GPR158: variants seen among roughly 807,000 people sequenced by gnomAD.
The protein encoded by GPR158 is G protein-coupled receptor 158, also known as metabotropic glycine receptor.
Under a neutral mutation model 78.2 loss-of-function variants are expected in GPR158, and 30 were observed. That is an observed-to-expected ratio of 0.38 (90% confidence interval 0.29 to 0.52). The LOEUF is 0.52. Ranked by LOEUF, GPR158 falls within the 20% of genes least tolerant of loss-of-function variation. GPR158 has a pLI of 0.83. For missense variants in GPR158, 1,463 were observed against 1,523.5 expected (o/e 0.96, Z 0.66); for synonymous variants, 581 against 591.1 (o/e 0.98, Z 0.25).
At chr10:25,270,136 A>G (rs936151442) in intron 2 of GPR158, among the ~76,000 whole-genome samples, 1 of 152,166 alleles carries the variant, frequency 6.6e-6, no homozygotes, top group Non-Finnish European at 1.5e-5. Flanking sequence ...ATAAAGTAAG[A>G]TACTTCAGGT....
intron 3 of GPR158, among the ~76,000 whole-genome samples, chr10:25,397,041 C>T (rs922484453): frequency 1.3e-5 from 2 of 152,164 alleles, no homozygotes; most frequent in South Asian, 2.1e-4. Flanking sequence ...GAGAATCTCC[C>T]TCACCTGCTA....
At chr10:25,373,229 A>C (rs1381603015) in intron 2 of GPR158, among the ~76,000 whole-genome samples, 2 of 151,818 alleles carry the variant, frequency 1.3e-5, no homozygotes, top group African/African-American at 2.4e-5. Flanking sequence ...TATAAGTGGG[A>C]GCTGAATGAT....
At chr10:25,566,409 G>A (rs1233671292) in intron 6 of GPR158, among the ~76,000 whole-genome samples, 1 of 152,124 alleles carries the variant, frequency 6.6e-6, no homozygotes, top group Non-Finnish European at 1.5e-5. Context: ...AGCTTTCTGA[G>A]CCCCTACTCA....
At chr10:25,289,333 C>A (rs540123536) in intron 2 of GPR158, among the ~76,000 whole-genome samples, 157 of 152,264 alleles carry the variant, frequency 1.0e-3, no homozygotes, top group African/African-American at 3.5e-3. Context: ...GAGAGGCAGA[C>A]CTGACAGACT....
chr10:25,289,006 T>C (rs1056132093), intron 2 of GPR158, among the ~76,000 whole-genome samples: 1 of 152,198 alleles, frequency 6.6e-6, no homozygotes, highest in Non-Finnish European at 1.5e-5. Flanking sequence ...TAGTAGCATG[T>C]AGAGGGACAG....
intron 2 of GPR158, among the ~76,000 whole-genome samples, chr10:25,348,125 G>A (rs748639086): frequency 6.6e-5 from 10 of 151,794 alleles, no homozygotes; most frequent in East Asian, 2.0e-4. Flanking sequence ...GCAGCTCTCC[G>A]AATCATCCTA....
chr10:25,198,529 T>A (rs1002432276), intron 1 of GPR158, among the ~76,000 whole-genome samples: 1 of 152,168 alleles, frequency 6.6e-6, no homozygotes, highest in Non-Finnish European at 1.5e-5. Context: ...GAAAATAGAT[T>A]TAAATTGTTT....
At chr10:25,228,876 A>G (rs745309794) in intron 2 of GPR158, among the ~76,000 whole-genome samples, 28 of 152,024 alleles carry the variant, frequency 1.8e-4, no homozygotes, top group Admixed American at 4.6e-4. Flanking sequence ...CTAAAAAAAA[A>G]TACAAAAAAT....
At chr10:25,199,316 C>T (rs1289350467) in intron 1 of GPR158, among the ~76,000 whole-genome samples, 2 of 152,086 alleles carry the variant, frequency 1.3e-5, no homozygotes, top group Non-Finnish European at 2.9e-5. Flanking sequence ...CCCTTCTACT[C>T]ATCACTCTCA....
intron 5 of GPR158, among the ~76,000 whole-genome samples, chr10:25,469,644 C>T (rs922160299): frequency 1.4e-4 from 22 of 151,870 alleles, no homozygotes; most frequent in African/African-American, 4.8e-4. Context: ...ATTAGCCAGG[C>T]GCAGTGGCAG....
At chr10:25,473,722 G>A (rs702979) in intron 5 of GPR158, among the ~76,000 whole-genome samples, 104,087 of 151,906 alleles carry the variant, frequency 0.69, 36,095 homozygotes, top group East Asian at 0.99. Flanking sequence ...TTTCTTCTAG[G>A]TTTTCTAGTT....
intron 2 of GPR158, among the ~76,000 whole-genome samples, chr10:25,342,473 C>T (rs1438221207): frequency 6.6e-5 from 10 of 151,882 alleles, no homozygotes; most frequent in Non-Finnish European, 1.2e-4. Context: ...TTTTTAACAA[C>T]TCTATTATTG....
At chr10:25,509,902 C>A (rs185590763) in intron 5 of GPR158, among the ~76,000 whole-genome samples, 1 of 152,026 alleles carries the variant, frequency 6.6e-6, no homozygotes, top group African/African-American at 2.4e-5. Context: ...TTAGTTGAGA[C>A]GGGGTTTCAC....
At chr10:25,429,406 A>G (rs1834866759) in intron 4 of GPR158, among the ~76,000 whole-genome samples, 1 of 152,144 alleles carries the variant, frequency 6.6e-6, no homozygotes, top group Non-Finnish European at 1.5e-5. Context: ...CAAAAAGCAA[A>G]TATTTTATGA....
At chr10:25,211,230 T>G (rs1853125236) in intron 1 of GPR158, among the ~76,000 whole-genome samples, 1 of 152,194 alleles carries the variant, frequency 6.6e-6, no homozygotes, top group African/African-American at 2.4e-5. Flanking sequence ...GGGTTTTGTT[T>G]GTTGTCTCAG....
At chr10:25,297,834 C>G (rs1485795270) in intron 2 of GPR158, among the ~76,000 whole-genome samples, 2 of 152,130 alleles carry the variant, frequency 1.3e-5, no homozygotes, top group Non-Finnish European at 2.9e-5. Flanking sequence ...AGGACACCCC[C>G]TACAAGAACA....
intron 1 of GPR158, among the ~76,000 whole-genome samples, chr10:25,187,168 T>G (rs556201821): frequency 6.6e-6 from 1 of 151,920 alleles, no homozygotes; most frequent in Non-Finnish European, 1.5e-5. Flanking sequence ...GGTTTCACTG[T>G]GTTAGCCAGG....
At chr10:25,323,983 C>G (rs906704834) in intron 2 of GPR158, among the ~76,000 whole-genome samples, 3 of 152,212 alleles carry the variant, frequency 2.0e-5, no homozygotes, top group African/African-American at 7.2e-5. Flanking sequence ...TTCTCTCAGA[C>G]TTCATAGAAT....
chr10:25,237,253 A>G (rs537189341), intron 2 of GPR158, among the ~76,000 whole-genome samples: 5 of 152,336 alleles, frequency 3.3e-5, no homozygotes, highest in South Asian at 2.1e-4. Context: ...GGAAAATTCC[A>G]GATAGAACCT....
Sources: allele counts gnomAD v4.1 joint callset (sites outside exome capture counted in the v4.1 genomes callset), GRCh38; gene constraint gnomAD v4.1.1; transcripts MANE v1.5; gene names NCBI Gene and HGNC (gene_info 2026-07-23, HGNC 2026-07-21).